The following SCAF8 variants were observed in gnomAD, a reference collection of about 807,000 sequenced individuals.
SCAF8 encodes SR-related CTD associated factor 8.
Under a neutral mutation model 140.5 loss-of-function variants are expected in SCAF8, and 23 were observed. That is an observed-to-expected ratio of 0.16 (90% CI 0.12 to 0.23). SCAF8 has a LOEUF of 0.23. Among genes scored for constraint, SCAF8 ranks in the 10% least tolerant of loss-of-function variants. The pLI, the probability that SCAF8 is intolerant of heterozygous loss-of-function variation, is 1.00. For missense variants in SCAF8, 1,397 were observed against 1,555.7 expected (o/e 0.90, Z 1.72); for synonymous variants, 575 against 528.9 (o/e 1.09, Z -1.20).
At chr6:154,815,957 A>C (rs753552389) in intron 13 of SCAF8, 141 bp downstream of exon 13, 1 of 491,596 alleles carries the variant, frequency 2.0e-6, no homozygotes, top group Non-Finnish European at 3.7e-6. Flanking sequence ...TACTTTGATA[A>C]TGTCTGTGTT....
Position 154,803,643 on chromosome 6 carries a change from A to G in SCAF8, c.863+20A>G. The G allele has an allele frequency of 2.6e-6, 4 of 1,514,032 alleles. No individual in the cohort carries two copies. The highest frequency in any genetic ancestry group is 3.7e-6 in the Non-Finnish European group (4 of 1,094,352). 93.8% of individuals were successfully genotyped at this position (1,514,032 alleles called of 1,614,324 possible). On this transcript the variant is annotated intron_variant, in intron 8 of 19. Coordinates refer to ENST00000367178, the MANE Select transcript of SCAF8 (RefSeq NM_014892.5). ...ACAACTGTAAGAATTTTTTCTTTAT[A>G]GCCATAGTTTTTTTATATTTAGTGG...
At chr6:154,822,124 G>T (rs1014957643) in intron 15 of SCAF8, 152 bp from the exon 16 acceptor site, 4 of 656,198 alleles carry the variant, frequency 6.1e-6, no homozygotes, top group Non-Finnish European at 9.7e-6. Context: ...ATTAATCTGG[G>T]CAGAAATCTA....
At chr6:154,822,155 G>A in intron 15 of SCAF8, 121 bp from the exon 16 acceptor site, 2 of 1,006,492 alleles carry the variant, frequency 2.0e-6, no homozygotes, top group Non-Finnish European at 2.8e-6. Context: ...TACGGTTGTG[G>A]ATATATCTTA....
At chr6:154,787,810 G>A (rs750614608) in intron 3 of SCAF8, 51 bp from the exon 4 acceptor site, 1 of 1,507,486 alleles carries the variant, frequency 6.6e-7, no homozygotes, top group South Asian at 1.2e-5. Context: ...TGTCTATCAA[G>A]AATTTTACCT....
Position 154,788,028 on chromosome 6 carries a change from C to T in SCAF8, c.321+6C>T, listed in dbSNP as rs1777302773. On this transcript the variant is annotated splice_donor_region_variant and intron_variant, in intron 4 of 19. Coordinates refer to ENST00000367178, the MANE Select transcript of SCAF8 (RefSeq NM_014892.5). ...GTTGCCCTGGGGATGACAAGGTATGCTACTGGTTTTTTTTTTTTGTTTTTT... is the reference window on the plus strand; with the variant it reads ...GTTGCCCTGGGGATGACAAGGTATGTTACTGGTTTTTTTTTTTTGTTTTTT... The T allele has an allele frequency of 1.3e-6, 2 of 1,578,982 alleles. No individual in the cohort carries two copies. The highest frequency in any genetic ancestry group is 1.7e-6 in the Non-Finnish European group (2 of 1,168,462).
intron 4 of SCAF8, among the ~76,000 whole-genome samples, chr6:154,790,690 T>G (rs1446930639): frequency 6.6e-6 from 1 of 151,938 alleles, no homozygotes; most frequent in Non-Finnish European, 1.5e-5. Context: ...TTTTGTATTT[T>G]TAGTAGAGAC....
chr6:154,734,022 G>A, intron 1 of SCAF8, 92 bp downstream of exon 1: 1 of 1,420,994 alleles, frequency 7.0e-7, no homozygotes, highest in Non-Finnish European at 9.2e-7. Context: ...CGGGCCTGCG[G>A]GTTTTTTAAG....
chr6:154,770,584 A>G (rs1776728739), intron 1 of SCAF8, among the ~76,000 whole-genome samples: 1 of 145,888 alleles, frequency 6.9e-6, no homozygotes, highest in Admixed American at 6.9e-5. Flanking sequence ...AAGAAGGAGA[A>G]AAAAAAAAAT....
chr6:154,763,779 G>A (rs1776471648), intron 1 of SCAF8, among the ~76,000 whole-genome samples: 1 of 152,134 alleles, frequency 6.6e-6, no homozygotes, highest in African/African-American at 2.4e-5. Flanking sequence ...GTAGAATGGA[G>A]AATGTTGCCG....
At chr6:154,811,489 C>T (rs913698025) in intron 12 of SCAF8, among the ~76,000 whole-genome samples, 1 of 151,918 alleles carries the variant, frequency 6.6e-6, no homozygotes, top group South Asian at 2.1e-4. Context: ...CATAGGTACA[C>T]AGGTGCCATG....
At chr6:154,735,265 A>G (rs959919512) in intron 1 of SCAF8, among the ~76,000 whole-genome samples, 1 of 152,192 alleles carries the variant, frequency 6.6e-6, no homozygotes, top group Non-Finnish European at 1.5e-5. Context: ...CTCTTAAAAT[A>G]CGAGGCTTTT....
intron 2 of SCAF8, among the ~76,000 whole-genome samples, chr6:154,775,072 A>G (rs919416238): frequency 2.0e-5 from 3 of 152,232 alleles, no homozygotes; most frequent in African/African-American, 7.2e-5. Flanking sequence ...TATCTTTTAA[A>G]TAACAGCAGT....
chr6:154,812,292 CTTTTTTTTTT>C (rs759236847), intron 12 of SCAF8, among the ~76,000 whole-genome samples: 5 of 38,788 alleles, frequency 1.3e-4, no homozygotes, highest in African/African-American at 1.9e-4. Context: ...TCTATGTCAG[CTTTTTTTTTT>C]TTTTTTTTTT....
chr6:154,780,994 A>G (rs1007400737), intron 3 of SCAF8, among the ~76,000 whole-genome samples: 1 of 152,132 alleles, frequency 6.6e-6, no homozygotes, highest in Middle Eastern at 3.2e-3. Flanking sequence ...CACCAAGAGT[A>G]TAAAAGTGTT....
At chr6:154,784,152 T>G (rs1777179715) in intron 3 of SCAF8, among the ~76,000 whole-genome samples, 1 of 113,774 alleles carries the variant, frequency 8.8e-6, no homozygotes, top group Non-Finnish European at 1.8e-5. Flanking sequence ...TATATATATA[T>G]ATATATTTAT....
chr6:154,792,682 C>A, intron 4 of SCAF8, 141 bp from the exon 5 acceptor site: 1 of 549,056 alleles, frequency 1.8e-6, no homozygotes, highest in South Asian at 3.4e-5. Flanking sequence ...ATGATAGAAA[C>A]ATAGAATTTT....
At position 154,834,130 on chromosome 6, in the gene SCAF8, T is replaced by G. The variant is rs1778829622; in HGVS notation, c.*735T>G. 1 of 152,220 alleles carries G rather than the reference T, an allele frequency of 6.6e-6. No individual in the cohort carries two copies. The highest frequency in any genetic ancestry group is 2.4e-5 in the African/African-American group (1 of 41,464). The allele number at this position is 152,220 out of a possible 1,614,324, so 9.4% of individuals were successfully genotyped here. A position where few individuals can be genotyped will look rare whatever the true frequency, so the allele number is the denominator to read the frequency against. On this transcript the variant is annotated 3_prime_UTR_variant, in exon 20 of 20. Transcript: ENST00000367178. ...ACCTTGAATTATTATTAGCATGTGC[T>G]TATTTTTTGCAAAAGCTTTCTATCA... is the stretch of plus-strand genomic sequence containing the variant.
intron 5 of SCAF8, among the ~76,000 whole-genome samples, chr6:154,794,764 G>GA (rs1777538742): frequency 1.1e-5 from 1 of 95,134 alleles, no homozygotes; most frequent in South Asian, 4.2e-4. Context: ...TTTGGTGGGG[G>GA]GGGGGGGGTG....
At chr6:154,753,438 G>C (rs751875952) in intron 1 of SCAF8, among the ~76,000 whole-genome samples, 1 of 151,136 alleles carries the variant, frequency 6.6e-6, no homozygotes, top group African/African-American at 2.4e-5. Context: ...TTGCACTCCA[G>C]CCTGGGCGAC....
Sources: allele counts gnomAD v4.1 joint callset (sites outside exome capture counted in the v4.1 genomes callset), GRCh38; gene constraint gnomAD v4.1.1; transcripts MANE v1.5; gene names NCBI Gene and HGNC (gene_info 2026-07-23, HGNC 2026-07-21).